Variants in NSL1 observed in about 807,000 individuals in gnomAD.
The protein encoded by NSL1 is NSL1 component of MIS12 kinetochore complex, also known as kinetochore-associated protein NSL1 homolog.
A neutral mutation model predicts 25.4 loss-of-function variants in NSL1; 11 were observed. The ratio of observed to expected loss-of-function variants is 0.43; its 90% CI spans 0.27 to 0.72. The LOEUF is 0.72. Among genes scored for constraint, NSL1 ranks in the 30% least tolerant of loss-of-function variants. NSL1 has a pLI of 0.19. For missense variants in NSL1, 330 were observed against 342.7 expected (o/e 0.96, Z 0.29); for synonymous variants, 118 against 120.6 (o/e 0.98, Z 0.14).
chr1:212,727,181 T>A lies in NSL1; in HGVS notation c.*11227A>T. The stretch of plus-strand genomic sequence containing the variant: ...GAGCTAGTCCACCAGGCTTGGCTCC[T>A]AATGTGTTAAATGGGGGTGAATGGA... On this transcript the variant is annotated 3_prime_UTR_variant, in exon 6 of 6. Transcript: ENST00000366977. 1 of 1,560,302 alleles carries A rather than the reference T, an allele frequency of 6.4e-7. No individual in the cohort carries two copies.
chr1:212,730,718 A>C lies in NSL1; in HGVS notation c.*7690T>G. 2.0e-6 allele frequency: 2 copies of C among 985,340 alleles called. No individual in the cohort carries two copies. The highest frequency in any genetic ancestry group is 2.4e-6 in the Non-Finnish European group (2 of 829,904). 61.0% of individuals were successfully genotyped at this position (985,340 alleles called of 1,614,324 possible). A position where few individuals can be genotyped will look rare whatever the true frequency, so the allele number is the denominator to read the frequency against. Reference sequence around the variant, plus strand: ...TCCTCTGCTCTTATGTCCTGCAGGGATATGGGAATTAGACTTAGTTCTAGT... The same window carrying C: ...TCCTCTGCTCTTATGTCCTGCAGGGCTATGGGAATTAGACTTAGTTCTAGT... On this transcript the variant is annotated 3_prime_UTR_variant, in exon 6 of 6. Coordinates refer to ENST00000366977, the MANE Select transcript of NSL1 (RefSeq NM_015471.4).
At chr1:212,790,918 G>C (rs1371639692) in intron 1 of NSL1, among the ~76,000 whole-genome samples, 1 of 148,122 alleles carries the variant, frequency 6.8e-6, no homozygotes, top group Non-Finnish European at 1.5e-5. Context: ...GCGAGACTCT[G>C]TCTCAAAAAA....
rs763181937 is a variant in NSL1, at chr1:212,766,841, A to AAAAC, written c.499+15527_499+15530dup. Among the ~76,000 whole-genome samples, 118 of 152,218 alleles carry AAAAC rather than the reference A, an allele frequency of 7.8e-4. 1 individual carries two copies. The highest frequency in any genetic ancestry group is 2.8e-3 in the African/African-American group (117 of 41,544). On this transcript the variant is annotated intron_variant, in intron 4 of 5. Transcript: ENST00000366977. ...CTCAACCACTTTTACAACAGCTGCA[A>AAAAC]AAACAAACAAACAAACAAAAACTTA... is the stretch of plus-strand genomic sequence containing the variant.
Position 212,784,446 on chromosome 1 carries a change from C to G in NSL1, c.361G>C (p.Asp121His), listed in dbSNP as rs1558065466. ...LEDQFDEIIV[D>H]IATKRKQYPR... The stretch of plus-strand genomic sequence containing the variant: ...TACTGCTTACGTTTTGTGGCTATAT[C>G]TACTATGATTTCATCAAACTGATCT... The change falls in exon 3 of 6, where the codon GAT becomes CAT. Residue 121 changes from aspartate (D) to histidine (H), a missense_variant. Physicochemically the swap from Asp to His is moderately conservative, Grantham distance 81. Coordinates refer to ENST00000366977, the MANE Select transcript of NSL1 (RefSeq NM_015471.4). 1 of 1,590,156 alleles carries G rather than the reference C, an allele frequency of 6.3e-7. No individual in the cohort carries two copies. The highest frequency in any genetic ancestry group is 8.6e-7 in the Non-Finnish European group (1 of 1,162,340).
At chr1:212,787,022 C>T (rs1201052451) in intron 2 of NSL1, among the ~76,000 whole-genome samples, 1 of 151,452 alleles carries the variant, frequency 6.6e-6, no homozygotes, top group Non-Finnish European at 1.5e-5. Context: ...GTTAGCCAGG[C>T]GTGGTGGCCA....
Position 212,737,334 on chromosome 1 carries a change from A to G in NSL1, c.*1074T>C, listed in dbSNP as rs1220953636. 1.8e-5 allele frequency: 18 copies of G among 984,602 alleles called. No homozygotes were observed. The highest frequency in any genetic ancestry group is 2.2e-5 in the Non-Finnish European group (18 of 829,298). The allele number at this position is 984,602 out of a possible 1,614,324, so 61.0% of individuals were successfully genotyped here. A position where few individuals can be genotyped will look rare whatever the true frequency, so the allele number is the denominator to read the frequency against. Reference sequence around the variant, plus strand: ...AATCTAGACATTTATGATTATTAATACATAATAAGCAAGAGAAATACAGAT... The same window carrying G: ...AATCTAGACATTTATGATTATTAATGCATAATAAGCAAGAGAAATACAGAT... On this transcript the variant is annotated 3_prime_UTR_variant, in exon 6 of 6. Transcript: ENST00000366977.
chr1:212,742,111 G>A (rs1658535082), intron 4 of NSL1, among the ~76,000 whole-genome samples: 1 of 151,930 alleles, frequency 6.6e-6, no homozygotes, highest in Admixed American at 6.6e-5. Flanking sequence ...AAAATTCATA[G>A]GTAATATTTC....
rs2102419908 is a variant in NSL1 at position 212,731,410 on chromosome 1, G to C, written c.*6998C>G. The C allele has an allele frequency of 1.0e-6, 1 of 984,956 alleles. No individual in the cohort carries two copies. The highest frequency in any genetic ancestry group is 5.2e-4 in the Middle Eastern group (1 of 1,914). 61.0% of individuals were successfully genotyped at this position (984,956 alleles called of 1,614,324 possible). ...ATCTCTAAAACAAATAAACTAGCCG[G>C]GCATGGTGGCACACGCCTGTTTTGA... On this transcript the variant is annotated 3_prime_UTR_variant, in exon 6 of 6. Transcript: ENST00000366977.
chr1:212,762,889 G>A (rs75701506), intron 4 of NSL1, among the ~76,000 whole-genome samples: 3,941 of 152,306 alleles, frequency 0.026, 161 homozygotes, highest in African/African-American at 0.09. Context: ...TCAGGGAGGG[G>A]TCATAGGGTG....
intron 1 of NSL1, among the ~76,000 whole-genome samples, chr1:212,788,817 C>G (rs947024644): frequency 1.3e-5 from 2 of 152,164 alleles, no homozygotes; most frequent in Admixed American, 6.5e-5. Context: ...AGGATGAAGA[C>G]AAGCTCTACG....
intron 4 of NSL1, among the ~76,000 whole-genome samples, chr1:212,757,215 G>GT (rs1659357293): frequency 6.6e-6 from 1 of 152,132 alleles, no homozygotes; most frequent in Non-Finnish European, 1.5e-5. Context: ...GGGTGAGATG[G>GT]TAAGTGAACA....
intron 4 of NSL1, among the ~76,000 whole-genome samples, chr1:212,774,888 C>T (rs1283302709): frequency 6.6e-6 from 1 of 152,212 alleles, no homozygotes; most frequent in Non-Finnish European, 1.5e-5. Flanking sequence ...ATGTTCACAG[C>T]AGCATCATTC....
intron 1 of NSL1, among the ~76,000 whole-genome samples, chr1:212,788,318 C>A (rs749776403): frequency 1.3e-5 from 2 of 152,100 alleles, no homozygotes; most frequent in Non-Finnish European, 2.9e-5. Context: ...AAGGCTGAGG[C>A]TAGAGGATTA....
At chr1:212,766,209 A>T in intron 4 of NSL1, 2 of 662,636 alleles carry the variant, frequency 3.0e-6, no homozygotes, top group Middle Eastern at 2.4e-4. Flanking sequence ...TAAAAACCAT[A>T]TATGACAAAT....
rs534024663 is a variant in NSL1 at position 212,760,731 on chromosome 1, G to A, written c.500-21130C>T. 1.3e-5 allele frequency among the ~76,000 whole-genome samples: 2 copies of A among 152,230 alleles called. No individual in the cohort carries two copies. Among genetic ancestry groups the A allele is most frequent in the South Asian group, 4.1e-4 (2 of 4,826 alleles). On this transcript the variant is annotated intron_variant, in intron 4 of 5. Coordinates refer to ENST00000366977, the MANE Select transcript of NSL1 (RefSeq NM_015471.4). This position sits in a 1 kb window ranked among gnomAD's most constrained non-coding sequence, Gnocchi z 4.3. Reference sequence around the variant, plus strand: ...CAGGGACTCATGAAACCACCTGCCTGCCCATCCCATTGCTGTCACTGCTGG... The same window carrying A: ...CAGGGACTCATGAAACCACCTGCCTACCCATCCCATTGCTGTCACTGCTGG...
At position 212,730,711 on chromosome 1, in the gene NSL1, T is replaced by C; in HGVS notation, c.*7697A>G. 1.0e-6 allele frequency: 1 copy of C among 985,434 alleles called. No homozygotes were observed. The allele number at this position is 985,434 out of a possible 1,614,324, so 61.0% of individuals were successfully genotyped here. A position where few individuals can be genotyped will look rare whatever the true frequency, so the allele number is the denominator to read the frequency against. ...AATGCCATCCTCTGCTCTTATGTCC[T>C]GCAGGGATATGGGAATTAGACTTAG... is the stretch of plus-strand genomic sequence containing the variant. On this transcript the variant is annotated 3_prime_UTR_variant, in exon 6 of 6. Coordinates refer to ENST00000366977, the MANE Select transcript of NSL1 (RefSeq NM_015471.4).
In NSL1 at chr1:212,729,574, TC is replaced by T. The variant is rs1657924292; in HGVS notation, c.*8833del. The T allele has an allele frequency of 3.0e-6, 3 of 985,194 alleles. No individual in the cohort carries two copies. The highest frequency in any genetic ancestry group is 3.6e-6 in the Non-Finnish European group (3 of 829,910). The allele number at this position is 985,194 out of a possible 1,614,324, so 61.0% of individuals were successfully genotyped here. A position where few individuals can be genotyped will look rare whatever the true frequency, so the allele number is the denominator to read the frequency against. ...TTATTATTCTGCCAGTGTCATCCCC[TC>T]ATTTCTACACTTCCTCAGGATCAGA... On this transcript the variant is annotated 3_prime_UTR_variant, in exon 6 of 6. Transcript: ENST00000366977.
In NSL1 at chr1:212,734,908, A is replaced by G. The variant is rs1257849539; in HGVS notation, c.*3500T>C. Among the ~76,000 whole-genome samples the G allele has an allele frequency of 6.6e-6, 1 of 152,192 alleles. No individual in the cohort carries two copies. The highest frequency in any genetic ancestry group is 6.5e-5 in the Admixed American group (1 of 15,272). ...CTTCCTGAAGGCAACACTTGTCCTG[A>G]GTGTTTTCATTTCCTTTATCAAAAG... On this transcript the variant is annotated 3_prime_UTR_variant, in exon 6 of 6. Coordinates refer to ENST00000366977, the MANE Select transcript of NSL1 (RefSeq NM_015471.4).
At chr1:212,750,656 T>C (rs1016118132) in intron 4 of NSL1, among the ~76,000 whole-genome samples, 19 of 151,938 alleles carry the variant, frequency 1.3e-4, no homozygotes, top group African/African-American at 4.6e-4. Context: ...AACAGAAAAA[T>C]AGGCCAGGTA....
Sources: gnomAD v4.1 joint callset for allele counts (sites outside exome capture counted in the v4.1 genomes callset) on GRCh38, gnomAD v4.1.1 for gene constraint, Gnocchi (gnomAD v3.1) non-coding constraint, MANE v1.5 for transcripts, NCBI Gene and HGNC (gene_info 2026-07-23, HGNC 2026-07-21) for gene names.